Variants in MAP3K20 observed in about 807,000 individuals in gnomAD.
MAP3K20 encodes the protein mitogen-activated protein kinase kinase kinase 20, also known as HCCS-4.
MAP3K20 carries 40 observed loss-of-function variants against 85.7 expected under a neutral mutation model. The observed-to-expected ratio is 0.47, with a 90% CI of 0.36 to 0.61. The LOEUF is 0.61. Ranked by LOEUF, MAP3K20 falls within the 20% of genes least tolerant of loss-of-function variation. The pLI is 0.00. For missense variants in MAP3K20, 817 were observed against 961.7 expected, an observed-to-expected ratio of 0.85 and a Z score of 1.99; for synonymous variants, 325 against 327.7, an observed-to-expected ratio of 0.99 and a Z score of 0.09.
At chr2:173,152,639 G>A (rs1033655240) in intron 2 of MAP3K20, among the ~76,000 whole-genome samples, 4 of 152,090 alleles carry the variant, frequency 2.6e-5, no homozygotes, top group Non-Finnish European at 5.9e-5. Flanking sequence ...AGGACACCCC[G>A]CTGAATCTTC....
intron 2 of MAP3K20, among the ~76,000 whole-genome samples, chr2:173,144,085 C>T (rs1317826261): frequency 3.3e-5 from 5 of 151,852 alleles, no homozygotes; most frequent in South Asian, 2.1e-4. Flanking sequence ...CACACGAGCC[C>T]GGGTATTCAA....
rs565610705 is a variant in MAP3K20 at position 173,235,753 on chromosome 2, A to C, written c.1204-2620A>C. 1.2e-4 allele frequency among the ~76,000 whole-genome samples: 19 copies of C among 152,334 alleles called. No homozygotes were observed. The South Asian group carries it at 3.7e-3, about 30-fold the overall frequency. On this transcript the variant is annotated intron_variant, in intron 14 of 19. Coordinates refer to ENST00000375213, the MANE Select transcript of MAP3K20 (RefSeq NM_016653.3). ...GTATGTGAATTTCACCTCATTAAAAAATAATAATAAAGCAAAGGAAAGCAC... is the reference window on the plus strand; with the variant it reads ...GTATGTGAATTTCACCTCATTAAAACATAATAATAAAGCAAAGGAAAGCAC...
chr2:173,075,561 GAAGAC>G, upstream of MAP3K20: 1 of 179,652 alleles, frequency 5.6e-6, no homozygotes, highest in Non-Finnish European at 1.1e-5. Flanking sequence ...CCTGTTTGTT[GAAGAC>G]TGAGTTGAAG....
rs11890969 is a variant in MAP3K20, at chr2:173,222,535, G to C, written c.987+5285G>C. 924 of 985,762 alleles carry C rather than the reference G, an allele frequency of 9.4e-4. 2 individuals are homozygous for C. Among genetic ancestry groups the C allele is most frequent in the African/African-American group, 7.7e-3 (442 of 57,352 alleles). 61.1% of individuals were successfully genotyped at this position (985,762 alleles called of 1,614,324 possible). ...GGTGGTCTTAAGGGGATGCTTCCAGGGGGGTGAGTTCATGCCTCTCCTGTA... is the reference window on the plus strand; with the variant it reads ...GGTGGTCTTAAGGGGATGCTTCCAGCGGGGTGAGTTCATGCCTCTCCTGTA... On this transcript the variant is annotated intron_variant, in intron 11 of 19. Coordinates refer to ENST00000375213, the MANE Select transcript of MAP3K20 (RefSeq NM_016653.3).
rs1360707286 is a variant in MAP3K20, at chr2:173,266,601, A to G, written c.2254A>G (p.Thr752Ala). ...TIPGMPLHPE[T>A]DSRASEEDSK... ...ACCAGGGATGCCTTTGCACCCTGAG[A>G]CTGACTCAAGAGCCAGTGAAGAGGA... is the stretch of plus-strand genomic sequence containing the variant. Residue 752 changes from threonine to alanine, a missense_variant, in exon 20 of 20, where the codon ACT becomes GCT. Physicochemically the swap from Thr to Ala is moderately conservative, Grantham distance 58. Around this residue, in one of 4 missense-constraint regions of MAP3K20, gnomAD observed 454 missense variants for 476.9 expected, o/e 0.95. Coordinates refer to ENST00000375213, the MANE Select transcript of MAP3K20 (RefSeq NM_016653.3). The G allele has an allele frequency of 1.9e-6, 3 of 1,613,820 alleles. No homozygotes were observed. The African/African-American group carries it at 4.0e-5, about 22-fold the overall frequency.
chr2:173,134,208 T>G (rs1688705825), intron 2 of MAP3K20, among the ~76,000 whole-genome samples: 1 of 144,134 alleles, frequency 6.9e-6, no homozygotes, highest in Admixed American at 7.0e-5. Flanking sequence ...TTTTTTTTTT[T>G]GAGACAGAAT....
Position 173,215,767 on chromosome 2 carries a change from CT to C in MAP3K20, c.852-1346del, listed in dbSNP as rs1266316894. On this transcript the variant is annotated intron_variant, in intron 10 of 19. Transcript: ENST00000375213. ...TGCCTGAACTTTTTGTTTTCATTCA[CT>C]TAGTTATTATCTGTAAGAGCATTGG... 3.9e-5 allele frequency: 6 copies of C among 152,214 alleles called. No homozygotes were observed. In the South Asian group the frequency reaches 6.2e-4, roughly 16 times the overall value. The allele number at this position is 152,214 out of a possible 1,614,324, so 9.4% of individuals were successfully genotyped here.
chr2:173,085,784 ATTTTTT>A (rs61431056), intron 1 of MAP3K20, among the ~76,000 whole-genome samples: 10 of 73,738 alleles, frequency 1.4e-4, no homozygotes, highest in Admixed American at 4.2e-4. Context: ...TGTAAAAGCA[ATTTTTT>A]TTTTTTTTTT....
chr2:173,082,023 G>GT (rs11405965), intron 1 of MAP3K20, among the ~76,000 whole-genome samples: 9,997 of 147,994 alleles, frequency 0.068, 983 homozygotes, highest in East Asian at 0.55. Context: ...GGAATCCTTT[G>GT]TTTTTTTTTT....
At chr2:173,238,234 A>G in intron 14 of MAP3K20, 139 bp from the exon 15 acceptor site, 1 of 708,404 alleles carries the variant, frequency 1.4e-6, no homozygotes, top group Non-Finnish European at 2.4e-6. Flanking sequence ...GATTTATTCT[A>G]AATAGACGTT....
chr2:173,225,229 T>C, intron 11 of MAP3K20: 1 of 711,624 alleles, frequency 1.4e-6, no homozygotes, highest in Non-Finnish European at 1.7e-6. Context: ...GCAACTGGGG[T>C]GGCATTTGCT....
In MAP3K20 at chr2:173,075,972, G is replaced by A. The variant is rs1559220552; in HGVS notation, c.-65G>A. On this transcript the variant is annotated 5_prime_UTR_variant, in exon 1 of 20. Coordinates refer to ENST00000375213, the MANE Select transcript of MAP3K20 (RefSeq NM_016653.3). Reference sequence around the variant, plus strand: ...TCGCGCGCGGGGCCTCCGCGCCCCCGGCTGCTGCTCACGCCCCGCCCGGGA... The same window carrying A: ...TCGCGCGCGGGGCCTCCGCGCCCCCAGCTGCTGCTCACGCCCCGCCCGGGA... 3 of 985,006 alleles carry A rather than the reference G, an allele frequency of 3.0e-6. No individual in the cohort carries two copies. The highest frequency in any genetic ancestry group is 1.2e-4 in the Admixed American group (2 of 16,242). The allele number at this position is 985,006 out of a possible 1,614,324, so 61.0% of individuals were successfully genotyped here. A position where few individuals can be genotyped will look rare whatever the true frequency, so the allele number is the denominator to read the frequency against.
intron 2 of MAP3K20, among the ~76,000 whole-genome samples, chr2:173,158,678 T>C (rs1225555569): frequency 1.3e-5 from 2 of 152,196 alleles, no homozygotes; most frequent in South Asian, 2.1e-4. Flanking sequence ...TGAATGATCA[T>C]TGATTATAAA....
intron 10 of MAP3K20, chr2:173,212,080 ATGG>A (rs1005800106): frequency 2.0e-5 from 3 of 152,236 alleles, no homozygotes; most frequent in Admixed American, 1.3e-4. Flanking sequence ...GAAAATTACC[ATGG>A]TGGTAATAAT....
rs1217275805 is a variant in MAP3K20, at chr2:173,266,079, A to G, written c.1732A>G (p.Arg578Gly). The change falls in exon 20 of 20, where the codon AGG becomes GGG. Residue 578 changes from arginine to glycine, a missense_variant. This residue lies in a region of MAP3K20 where 454 missense variants were observed against 476.9 expected (regional missense o/e 0.95). Transcript: ENST00000375213. ...SADCQWLDTL[R>G]MRQIASNTSL... ...TGATTGCCAGTGGTTAGATACTCTGAGGATGCGGCAGATTGCATCCAACAC... is the reference window on the plus strand; with the variant it reads ...TGATTGCCAGTGGTTAGATACTCTGGGGATGCGGCAGATTGCATCCAACAC... 8 of 1,587,772 alleles carry G rather than the reference A, an allele frequency of 5.0e-6. No homozygotes were observed. The highest frequency in any genetic ancestry group is 1.3e-5 in the African/African-American group (1 of 74,504).
chr2:173,111,092 A>G (rs927562477), intron 2 of MAP3K20, among the ~76,000 whole-genome samples: 1 of 151,916 alleles, frequency 6.6e-6, no homozygotes, highest in African/African-American at 2.4e-5. Flanking sequence ...GCCAGCATCT[A>G]TTGTTTTTTG....
intron 1 of MAP3K20, among the ~76,000 whole-genome samples, chr2:173,085,126 T>C (rs1487263179): frequency 6.6e-6 from 1 of 152,214 alleles, no homozygotes; most frequent in Non-Finnish European, 1.5e-5. Flanking sequence ...TGAGAAAAAG[T>C]GATTTGTTAA....
chr2:173,254,416 A>AGAGT (rs1366849173), intron 16 of MAP3K20, among the ~76,000 whole-genome samples: 4 of 146,856 alleles, frequency 2.7e-5, no homozygotes, highest in Admixed American at 6.8e-5. Context: ...CCTGGGCAAC[A>AGAGT]GAGTGAGACT....
chr2:173,168,856 A>G (rs1016617201), intron 2 of MAP3K20, among the ~76,000 whole-genome samples: 2 of 152,140 alleles, frequency 1.3e-5, no homozygotes, highest in Middle Eastern at 3.2e-3. Flanking sequence ...GCAGATATAT[A>G]TTATAGTATC....
Sources: allele counts gnomAD v4.1 joint callset (sites outside exome capture counted in the v4.1 genomes callset), GRCh38; gene constraint gnomAD v4.1.1; regional missense constraint gnomAD v4.1.1; transcripts MANE v1.5; gene names NCBI Gene and HGNC (gene_info 2026-07-23, HGNC 2026-07-21).